RIMS2: variants seen among roughly 807,000 people sequenced by gnomAD.
RIMS2 encodes the protein regulating synaptic membrane exocytosis protein 2.
RIMS2 carries 59 observed loss-of-function variants against 174.4 expected under a neutral mutation model. The ratio of observed to expected loss-of-function variants is 0.34; its 90% CI spans 0.27 to 0.42. The LOEUF (loss-of-function observed/expected upper bound fraction) is 0.42, where lower values mean the gene tolerates loss of function less well. Ranked by LOEUF, RIMS2 falls within the 10% of genes least tolerant of loss-of-function variation. The pLI is 1.00. For missense variants in RIMS2, 1,620 were observed against 1,666.3 expected, an observed-to-expected ratio of 0.97 and a Z score of 0.48; for synonymous variants, 606 against 572.5, an observed-to-expected ratio of 1.06 and a Z score of -0.84.
chr8:103,683,262 A>G (rs1013822971), intron 1 of RIMS2, among the ~76,000 whole-genome samples: 34 of 152,180 alleles, frequency 2.2e-4, no homozygotes, highest in African/African-American at 7.7e-4. Flanking sequence ...TGCTGCTTCC[A>G]CTCTAACAGA....
chr8:104,103,739 A>G (rs13439722), intron 19 of RIMS2, among the ~76,000 whole-genome samples: 35,688 of 151,952 alleles, frequency 0.23, 4,496 homozygotes, highest in African/African-American at 0.33. Flanking sequence ...AAATATAATC[A>G]TTGGCCTCAA....
intron 2 of RIMS2, among the ~76,000 whole-genome samples, chr8:103,729,294 G>T (rs2097563826): frequency 6.6e-6 from 1 of 151,942 alleles, no homozygotes. Context: ...CTTCATGTTT[G>T]AATCTTGGTA....
chr8:104,191,912 T>C (rs1166724375), intron 19 of RIMS2, among the ~76,000 whole-genome samples: 3 of 152,160 alleles, frequency 2.0e-5, no homozygotes, highest in Admixed American at 6.6e-5. Context: ...GTCACAAAAT[T>C]ATATTTAAGT....
chr8:104,119,204 T>C (rs1202817906), intron 19 of RIMS2, among the ~76,000 whole-genome samples: 1 of 137,814 alleles, frequency 7.3e-6, no homozygotes, highest in South Asian at 2.4e-4. Context: ...AAAAAAAAAA[T>C]CAAAAATTAG....
chr8:103,672,357 T>G (rs1028126135), intron 1 of RIMS2, among the ~76,000 whole-genome samples: 1 of 152,284 alleles, frequency 6.6e-6, no homozygotes, highest in Admixed American at 6.5e-5. Flanking sequence ...ATTCTTGCAT[T>G]GCTATAAATA....
At chr8:103,772,921 T>A (rs192030740) in intron 3 of RIMS2, among the ~76,000 whole-genome samples, 41 of 149,952 alleles carry the variant, frequency 2.7e-4, no homozygotes, top group Non-Finnish European at 4.4e-4. Flanking sequence ...TGAAGCATAC[T>A]TTTTTTACTG....
chr8:103,980,111 G>C (rs564842736), intron 16 of RIMS2, among the ~76,000 whole-genome samples: 10 of 152,258 alleles, frequency 6.6e-5, no homozygotes, highest in Admixed American at 5.2e-4. Flanking sequence ...CATGGCTAAA[G>C]GAGTGCTAGT....
chr8:104,068,571 G>A (rs1598159821), intron 19 of RIMS2: 1 of 1,572,868 alleles, frequency 6.4e-7, no homozygotes, highest in Non-Finnish European at 8.6e-7. Context: ...CAAACAGGTA[G>A]CCGGATCAGA....
chr8:104,028,837 G>A (rs868115409), intron 19 of RIMS2, among the ~76,000 whole-genome samples: 4 of 152,150 alleles, frequency 2.6e-5, no homozygotes, highest in Admixed American at 1.3e-4. Context: ...GAGGATTCTC[G>A]TATCTCAAAC....
chr8:104,184,642 T>C (rs1266457486), intron 19 of RIMS2, among the ~76,000 whole-genome samples: 1 of 151,564 alleles, frequency 6.6e-6, no homozygotes, highest in Admixed American at 6.6e-5. Context: ...ATTAAAGAAA[T>C]TTCCAAAGGT....
chr8:104,068,927 T>C (rs377494925), intron 19 of RIMS2, among the ~76,000 whole-genome samples: 1 of 152,200 alleles, frequency 6.6e-6, no homozygotes, highest in South Asian at 2.1e-4. Flanking sequence ...TTCTTTCATA[T>C]AGATTTTTTC....
intron 19 of RIMS2, among the ~76,000 whole-genome samples, chr8:104,139,698 C>T (rs1312876057): frequency 6.6e-6 from 1 of 152,112 alleles, no homozygotes; most frequent in Non-Finnish European, 1.5e-5. Context: ...AAAATCCTAT[C>T]ATCTGCAAAC....
chr8:103,918,406 G>C, intron 8 of RIMS2, 35 bp from the exon 12 acceptor site: 1 of 1,393,960 alleles, frequency 7.2e-7, no homozygotes, highest in Non-Finnish European at 9.8e-7. Flanking sequence ...TGTTGAAACA[G>C]TTTCTGTCTT....
intron 19 of RIMS2, among the ~76,000 whole-genome samples, chr8:104,059,138 G>A (rs989526186): frequency 1.3e-5 from 2 of 151,608 alleles, no homozygotes; most frequent in East Asian, 3.9e-4. Flanking sequence ...GGATGGCATT[G>A]AATCTATAAA....
chr8:103,990,723 A>C (rs1382458347), intron 17 of RIMS2, among the ~76,000 whole-genome samples: 3 of 152,066 alleles, frequency 2.0e-5, no homozygotes, highest in Non-Finnish European at 4.4e-5. Context: ...ATACCAAGTC[A>C]TAAAATCCTT....
At chr8:104,128,248 T>A (rs2098447334) in intron 19 of RIMS2, among the ~76,000 whole-genome samples, 1 of 152,224 alleles carries the variant, frequency 6.6e-6, no homozygotes, top group African/African-American at 2.4e-5. Context: ...AATGAGTATG[T>A]CCAGTTTTGG....
At position 103,892,461 on chromosome 8, in the gene RIMS2, C is replaced by T. The variant is rs968991644; in HGVS notation, c.1624+6238C>T. 4.6e-5 allele frequency among the ~76,000 whole-genome samples: 7 copies of T among 151,970 alleles called. 1 individual carries two copies. Among genetic ancestry groups the T allele is most frequent in the Middle Eastern group, 3.2e-3 (1 of 316 alleles). ...TCCAGCAATCCTCCTGCCTCAGCCTCCCAAAGTGCTGGGACTACAGTTGTG... is the reference window on the plus strand; with the variant it reads ...TCCAGCAATCCTCCTGCCTCAGCCTTCCAAAGTGCTGGGACTACAGTTGTG... On this transcript the variant is annotated intron_variant, in intron 4 of 23. Transcript: ENST00000504942.
chr8:103,798,307 A>G (rs944113081), intron 3 of RIMS2, among the ~76,000 whole-genome samples: 2 of 152,180 alleles, frequency 1.3e-5, no homozygotes, highest in African/African-American at 4.8e-5. Context: ...TTGTACATTA[A>G]CAAATTTAAA....
At chr8:104,214,741 G>A (rs1473515660) in intron 19 of RIMS2, among the ~76,000 whole-genome samples, 2 of 152,090 alleles carry the variant, frequency 1.3e-5, no homozygotes, top group Admixed American at 6.6e-5. Context: ...CGCCAGGCCC[G>A]AGAGACATCT....
Sources: allele counts gnomAD v4.1 joint callset (sites outside exome capture counted in the v4.1 genomes callset), GRCh38; gene constraint gnomAD v4.1.1; transcripts MANE v1.5; gene names NCBI Gene and HGNC (gene_info 2026-07-23, HGNC 2026-07-21).